The following FARP2 variants were observed in gnomAD, a reference collection of about 807,000 sequenced individuals.
The protein encoded by FARP2 is FERM, ARH/RhoGEF and pleckstrin domain protein 2, also known as FERM, ARHGEF and pleckstrin domain-containing protein 2.
A neutral mutation model predicts 130.5 loss-of-function variants in FARP2; 111 were observed. That is an observed-to-expected ratio of 0.85 (90% CI 0.73 to 1.00). The LOEUF (loss-of-function observed/expected upper bound fraction) is 1.00, where lower values mean the gene tolerates loss of function less well. Ranked by LOEUF, FARP2 falls within the 50% of genes least tolerant of loss-of-function variation. The pLI, the probability that FARP2 is intolerant of heterozygous loss-of-function variation, is 0.00. For missense variants in FARP2, 1,385 were observed against 1,346.3 expected (o/e 1.03, Z -0.45); for synonymous variants, 504 against 516.9 (o/e 0.98, Z 0.34).
intron 10 of FARP2, 76 bp downstream of exon 10, chr2:241,434,397 G>A: frequency 1.8e-6 from 2 of 1,088,766 alleles, no homozygotes; most frequent in African/African-American, 1.6e-5. Flanking sequence ...TCCTAGTCAA[G>A]AAAGAAGTGT....
chr2:241,413,875 G>A (rs1300221087), intron 7 of FARP2, among the ~76,000 whole-genome samples: 1 of 151,840 alleles, frequency 6.6e-6, no homozygotes, highest in Admixed American at 6.6e-5. Flanking sequence ...CCAGGAGGTG[G>A]AGGTTACAGT....
At chr2:241,493,890 C>A in intron 26 of FARP2, 118 bp from the exon 27 acceptor site, 1 of 625,010 alleles carries the variant, frequency 1.6e-6, no homozygotes, top group Non-Finnish European at 2.6e-6. Context: ...AGCCACCGCA[C>A]CCGGCCCCAG....
At chr2:241,441,713 T>C in intron 13 of FARP2, 157 bp downstream of exon 13, 1 of 1,122,570 alleles carries the variant, frequency 8.9e-7, no homozygotes, top group Non-Finnish European at 1.3e-6. Context: ...ACAGGCTCAT[T>C]TCCTTCCGGT....
At chr2:241,358,078 A>G (rs868709994) in intron 1 of FARP2, among the ~76,000 whole-genome samples, 23 of 152,314 alleles carry the variant, frequency 1.5e-4, no homozygotes, top group African/African-American at 4.8e-4. Context: ...AATCATAGCT[A>G]CTTGAGAGGC....
chr2:241,412,779 C>CACATT (rs1169140037), intron 6 of FARP2, among the ~76,000 whole-genome samples: 1 of 152,146 alleles, frequency 6.6e-6, no homozygotes, highest in Non-Finnish European at 1.5e-5. Context: ...ATATTCCCAG[C>CACATT]ACATTTGGGA....
intron 6 of FARP2, 63 bp from the exon 7 acceptor site, chr2:241,413,244 A>G (rs1429757776): frequency 1.1e-5 from 11 of 981,042 alleles, no homozygotes; most frequent in Admixed American, 6.5e-5. Flanking sequence ...AATGTATGCA[A>G]TGACACATAC....
At chr2:241,391,275 C>T (rs2061897268) in intron 2 of FARP2, among the ~76,000 whole-genome samples, 1 of 152,200 alleles carries the variant, frequency 6.6e-6, no homozygotes. Flanking sequence ...ACTCCTAAAA[C>T]AAGCCAGTTA....
chr2:241,465,342 T>TC (rs2064140771), intron 17 of FARP2: 1 of 764,550 alleles, frequency 1.3e-6, no homozygotes. Flanking sequence ...CAGGACAGAG[T>TC]CCCCCCTCCC....
rs774582808 is a variant in FARP2 at position 241,417,999 on chromosome 2, G to A, written c.661G>A (p.Glu221Lys). Residue 221 changes from glutamate to lysine, a missense_variant, in exon 8 of 27, where the codon GAA becomes AAA. Physicochemically the swap from Glu to Lys is moderately conservative, Grantham distance 56 (BLOSUM62 1). Transcript: ENST00000264042. ...TPAESDFQVL[E>K]IARKLEMYGI... is the part of the protein sequence containing the mutation. ...TGCTGAGTCGGATTTCCAGGTGCTC[G>A]AAATTGCTCGAAAGTTGGAAATGTA... is the stretch of plus-strand genomic sequence containing the variant. 3.2e-5 allele frequency: 52 copies of A among 1,614,024 alleles called. No individual in the cohort carries two copies. In the Middle Eastern group the frequency reaches 4.9e-4, roughly 15 times the overall value.
intron 2 of FARP2, among the ~76,000 whole-genome samples, chr2:241,377,044 T>C (rs147154807): frequency 6.6e-5 from 10 of 152,352 alleles, no homozygotes; most frequent in East Asian, 5.8e-4. Context: ...TAGCAGTGTT[T>C]TCTAACCTCA....
At chr2:241,424,206 T>C (rs1324773005) in intron 8 of FARP2, among the ~76,000 whole-genome samples, 1 of 152,100 alleles carries the variant, frequency 6.6e-6, no homozygotes, top group Non-Finnish European at 1.5e-5. Flanking sequence ...GATCACATAA[T>C]CGGAAGCAAA....
intron 21 of FARP2, chr2:241,488,376 TTTAA>T (rs1472088181): frequency 2.6e-5 from 4 of 152,104 alleles, no homozygotes; most frequent in African/African-American, 7.2e-5. Context: ...AGTTTTCTCA[TTTAA>T]TTAATCTCCC....
chr2:241,493,235 T>C, intron 25 of FARP2, 58 bp from the exon 26 acceptor site: 1 of 1,576,768 alleles, frequency 6.3e-7, no homozygotes, highest in Non-Finnish European at 8.7e-7. Flanking sequence ...AGCAGAGGAA[T>C]GGGCATTCCC....
At chr2:241,449,232 G>A (rs904381140) in intron 13 of FARP2, among the ~76,000 whole-genome samples, 3 of 151,988 alleles carry the variant, frequency 2.0e-5, no homozygotes, top group Non-Finnish European at 4.4e-5. Context: ...GGCAAGAGGC[G>A]GGAGGATAGC....
chr2:241,442,001 A>G (rs2063396405), intron 13 of FARP2: 1 of 360,206 alleles, frequency 2.8e-6, no homozygotes, highest in South Asian at 2.1e-5. Flanking sequence ...GTAGATATGA[A>G]CACAGAAGAC....
At chr2:241,480,812 G>T (rs2064594996) in intron 19 of FARP2, among the ~76,000 whole-genome samples, 2 of 151,980 alleles carry the variant, frequency 1.3e-5, no homozygotes, top group African/African-American at 4.8e-5. Flanking sequence ...GATCCATTTT[G>T]AGTTAGTTTT....
chr2:241,425,487 A>G (rs1255403899), intron 8 of FARP2, among the ~76,000 whole-genome samples: 1 of 152,058 alleles, frequency 6.6e-6, no homozygotes, highest in Non-Finnish European at 1.5e-5. Flanking sequence ...AGAAGAGAGA[A>G]AGAAGTGTGA....
Position 241,389,269 on chromosome 2 carries a change from A to G in FARP2, c.184-14559A>G, listed in dbSNP as rs373382426. Among the ~76,000 whole-genome samples, 23 of 152,318 alleles carry G rather than the reference A, an allele frequency of 1.5e-4. 1 individual carries two copies. In the East Asian group the frequency reaches 3.3e-3, roughly 22 times the overall value. ...CCTCCAGCCTGGATGACAGAGCAAGACTTCGTCTCAAAAAAACAAACAATC... is the reference window on the plus strand; with the variant it reads ...CCTCCAGCCTGGATGACAGAGCAAGGCTTCGTCTCAAAAAAACAAACAATC... On this transcript the variant is annotated intron_variant, in intron 2 of 26. Transcript: ENST00000264042.
chr2:241,443,834 C>T (rs1029548322), intron 13 of FARP2: 1 of 152,254 alleles, frequency 6.6e-6, no homozygotes, highest in African/African-American at 2.4e-5. Flanking sequence ...TAATTCTCTT[C>T]CCAGAATGTC....
Sources: gnomAD v4.1 joint callset for allele counts (sites outside exome capture counted in the v4.1 genomes callset) on GRCh38, gnomAD v4.1.1 for gene constraint, MANE v1.5 for transcripts, NCBI Gene and HGNC (gene_info 2026-07-23, HGNC 2026-07-21) for gene names.